Variants in ABLIM1 observed in about 807,000 individuals in gnomAD.
The protein encoded by ABLIM1 is actin binding LIM protein 1, also known as actin-binding LIM protein 1.
In ABLIM1, 40 loss-of-function variants were observed where a neutral mutation model predicts 107.0. The observed-to-expected ratio is 0.37, with a 90% CI of 0.29 to 0.49. The LOEUF is 0.49. ABLIM1 is among the 20% of genes least tolerant of loss of function. ABLIM1 has a pLI of 0.97. For synonymous variants in ABLIM1, 357 were observed against 357.3 expected, an observed-to-expected ratio of 1.00 and a Z score of 0.01; for missense variants, 857 against 1,008.5, an observed-to-expected ratio of 0.85 and a Z score of 2.04.
intron 7 of ABLIM1, among the ~76,000 whole-genome samples, chr10:114,491,008 G>GTATATATATA (rs1347498391): frequency 9.2e-5 from 8 of 86,516 alleles, no homozygotes; most frequent in African/African-American, 4.5e-4. Flanking sequence ...GTGTGTGTGT[G>GTATATATATA]TGTGTATATA....
At chr10:114,479,013 T>G (rs909638940) in intron 8 of ABLIM1, among the ~76,000 whole-genome samples, 1 of 152,204 alleles carries the variant, frequency 6.6e-6, no homozygotes, top group Admixed American at 6.5e-5. Context: ...CTGGCTTTGG[T>G]GCCAAATAAC....
chr10:114,671,741 T>C (rs910676423), intron 1 of ABLIM1, among the ~76,000 whole-genome samples: 11 of 152,272 alleles, frequency 7.2e-5, no homozygotes, highest in African/African-American at 2.7e-4. Flanking sequence ...CACTGATGAC[T>C]AATGAAAGTG....
chr10:114,659,626 G>C (rs2079697436), upstream of ABLIM1, among the ~76,000 whole-genome samples: 2 of 152,278 alleles, frequency 1.3e-5, no homozygotes, highest in Admixed American at 1.3e-4. Flanking sequence ...TTAAGTTCTA[G>C]GATACATGTG....
At chr10:114,684,732 C>T (rs2080888848) in exon 1 of ABLIM1, 3 of 1,022,462 alleles carry the variant, frequency 2.9e-6, no homozygotes, top group Middle Eastern at 4.8e-4. Flanking sequence ...GATTTTCCTG[C>T]ATTCTGCACA....
At chr10:114,626,264 A>C (rs1205849875) in intron 1 of ABLIM1, among the ~76,000 whole-genome samples, 2 of 152,158 alleles carry the variant, frequency 1.3e-5, no homozygotes, top group Non-Finnish European at 2.9e-5. Context: ...CTACTATCAA[A>C]CCATAAAGGG....
intron 1 of ABLIM1, among the ~76,000 whole-genome samples, chr10:114,703,895 C>T (rs999755850): frequency 5.3e-5 from 8 of 152,148 alleles, no homozygotes; most frequent in African/African-American, 1.4e-4. Flanking sequence ...TCTCACTACA[C>T]GTGAGCTTCA....
intron 1 of ABLIM1, among the ~76,000 whole-genome samples, chr10:114,623,571 T>C (rs1011101570): frequency 7.9e-5 from 12 of 152,224 alleles, no homozygotes; most frequent in African/African-American, 2.4e-4. Context: ...CTGGTCATTT[T>C]ACCCACAGAA....
At chr10:114,579,060 T>C (rs2073028982) in intron 2 of ABLIM1, among the ~76,000 whole-genome samples, 1 of 152,096 alleles carries the variant, frequency 6.6e-6, no homozygotes, top group Non-Finnish European at 1.5e-5. Flanking sequence ...GTACTGTTAT[T>C]ACAGACGTGA....
At chr10:114,530,378 G>T (rs1174647848) in intron 6 of ABLIM1, among the ~76,000 whole-genome samples, 1 of 152,080 alleles carries the variant, frequency 6.6e-6, no homozygotes, top group Non-Finnish European at 1.5e-5. Context: ...GGGTAAATGT[G>T]CTGGGTAGTA....
At chr10:114,559,963 AC>A (rs2069432654) in intron 4 of ABLIM1, among the ~76,000 whole-genome samples, 1 of 152,152 alleles carries the variant, frequency 6.6e-6, no homozygotes, top group Non-Finnish European at 1.5e-5. Context: ...GAAGAAAGGC[AC>A]CCAGATGAAC....
chr10:114,700,014 T>C (rs951791140), intron 1 of ABLIM1, among the ~76,000 whole-genome samples: 1 of 152,098 alleles, frequency 6.6e-6, no homozygotes, highest in African/African-American at 2.4e-5. Flanking sequence ...TCCAAGCTGG[T>C]CTTTGAACTC....
chr10:114,577,353 A>G (rs1027528417), intron 2 of ABLIM1, among the ~76,000 whole-genome samples: 25 of 152,176 alleles, frequency 1.6e-4, no homozygotes, highest in Admixed American at 1.5e-3. Context: ...GATTTCTCAA[A>G]GCCCTGAGAA....
At position 114,435,021 on chromosome 10, in the gene ABLIM1, C is replaced by G. The variant is rs4751906; in HGVS notation, c.*1239G>C. Reference sequence around the variant, plus strand: ...CTTTAGAAGCTGCAACACAGCAGGACAAACATTCAAGCAGAAATTAAAAAG... The same window carrying G: ...CTTTAGAAGCTGCAACACAGCAGGAGAAACATTCAAGCAGAAATTAAAAAG... On this transcript the variant is annotated 3_prime_UTR_variant, in exon 23 of 23. Transcript: ENST00000533213. The G allele has an allele frequency of 0.42, 63,894 of 151,950 alleles. 13,356 individuals are homozygous for G. Among genetic ancestry groups the G allele is most frequent in the African/African-American group, 0.45 (18,771 of 41,432 alleles). 9.4% of individuals were successfully genotyped at this position (151,950 alleles called of 1,614,324 possible). A position where few individuals can be genotyped will look rare whatever the true frequency, so the allele number is the denominator to read the frequency against.
chr10:114,748,755 C>A (rs554092262), intron 1 of ABLIM1, among the ~76,000 whole-genome samples: 41 of 151,220 alleles, frequency 2.7e-4, no homozygotes, highest in African/African-American at 9.5e-4. Flanking sequence ...CTCCTAGGCT[C>A]TAGCAACCCT....
chr10:114,520,183 A>AT (rs1324701550), intron 6 of ABLIM1, among the ~76,000 whole-genome samples: 5 of 152,308 alleles, frequency 3.3e-5, no homozygotes, highest in Non-Finnish European at 7.3e-5. Flanking sequence ...AGTCTTAATC[A>AT]TTTTAGAATT....
intron 4 of ABLIM1, among the ~76,000 whole-genome samples, chr10:114,562,333 T>A (rs938871704): frequency 6.6e-6 from 1 of 152,058 alleles, no homozygotes; most frequent in Non-Finnish European, 1.5e-5. Context: ...ATCGAGACCA[T>A]CCTGGCTAAC....
chr10:114,495,479 T>A (rs2059547778), intron 6 of ABLIM1, among the ~76,000 whole-genome samples: 1 of 151,842 alleles, frequency 6.6e-6, no homozygotes, highest in Non-Finnish European at 1.5e-5. Flanking sequence ...GTAGTGATGG[T>A]GATGGTGATA....
intron 12 of ABLIM1, among the ~76,000 whole-genome samples, chr10:114,464,229 A>C (rs2064634545): frequency 7.0e-6 from 1 of 143,310 alleles, no homozygotes; most frequent in Non-Finnish European, 1.5e-5. Flanking sequence ...TCTGTCATCC[A>C]GGTTGGAGTG....
At chr10:114,539,640 G>T (rs1418143182) in intron 6 of ABLIM1, among the ~76,000 whole-genome samples, 3 of 152,204 alleles carry the variant, frequency 2.0e-5, no homozygotes, top group Non-Finnish European at 4.4e-5. Flanking sequence ...AGCTGTTGCT[G>T]TTGATAATAA....
Sources: gnomAD v4.1 joint callset for allele counts (sites outside exome capture counted in the v4.1 genomes callset) on GRCh38, gnomAD v4.1.1 for gene constraint, MANE v1.5 for transcripts, NCBI Gene and HGNC (gene_info 2026-07-23, HGNC 2026-07-21) for gene names.